The following TMED5 variants were observed in gnomAD, a reference collection of about 807,000 sequenced individuals.
The protein encoded by TMED5 is transmembrane p24 trafficking protein 5, also known as transmembrane emp24 domain-containing protein 5.
Under a neutral mutation model 23.0 loss-of-function variants are expected in TMED5, and 27 were observed. The ratio of observed to expected loss-of-function variants is 1.17; its 90% CI spans 0.86 to 1.62. The LOEUF is 1.62. Ranked by LOEUF, TMED5 falls within the 40% of genes most tolerant of loss-of-function variation. The probability of loss-of-function intolerance (pLI) is 0.00; values close to 1 mark genes in which losing one functional copy is unlikely to be tolerated. For synonymous variants in TMED5, 97 were observed against 100.8 expected (o/e 0.96, Z 0.23); for missense variants, 248 against 273.7 (o/e 0.91, Z 0.66).
chr1:93,155,607 G>A (rs1363756230), intron 3 of TMED5, among the ~76,000 whole-genome samples: 1 of 146,996 alleles, frequency 6.8e-6, no homozygotes, highest in East Asian at 2.0e-4. Flanking sequence ...ACCTGAGACT[G>A]TGCCTGGTCA....
intron 1 of TMED5, among the ~76,000 whole-genome samples, chr1:93,163,922 C>A (rs1428646920): frequency 6.8e-6 from 1 of 147,468 alleles, no homozygotes; most frequent in Non-Finnish European, 1.5e-5. Context: ...GGCAGAGTTG[C>A]AGTGAGCTGG....
intron 1 of TMED5, among the ~76,000 whole-genome samples, chr1:93,163,490 A>G (rs1648363328): frequency 6.6e-6 from 1 of 151,620 alleles, no homozygotes; most frequent in Admixed American, 6.6e-5. Flanking sequence ...GATTATAGGC[A>G]TGCGCCACCA....
At chr1:93,172,036 C>T (rs1648748588) in intron 1 of TMED5, among the ~76,000 whole-genome samples, 2 of 152,096 alleles carry the variant, frequency 1.3e-5, no homozygotes. Flanking sequence ...TTAAAAAAAT[C>T]TTAGCAAACT....
intron 1 of TMED5, among the ~76,000 whole-genome samples, chr1:93,176,311 C>A (rs377383114): frequency 3.9e-4 from 60 of 152,082 alleles, no homozygotes; most frequent in African/African-American, 1.4e-3. Context: ...TCCATTATGC[C>A]TAGTGAAAGT....
intron 3 of TMED5, chr1:93,156,085 C>T: frequency 1.4e-6 from 2 of 1,453,710 alleles, no homozygotes; most frequent in South Asian, 1.4e-5. Flanking sequence ...TAATAGGGTC[C>T]TGGAAGATAA....
chr1:93,178,267 C>T (rs1468226782), intron 1 of TMED5, among the ~76,000 whole-genome samples: 1 of 152,206 alleles, frequency 6.6e-6, no homozygotes, highest in Non-Finnish European at 1.5e-5. Context: ...CTAATACAAA[C>T]TCAGTACTTG....
At chr1:93,177,330 G>C (rs1347732044) in intron 1 of TMED5, among the ~76,000 whole-genome samples, 1 of 152,086 alleles carries the variant, frequency 6.6e-6, no homozygotes, top group Non-Finnish European at 1.5e-5. Context: ...TATAATCCCA[G>C]CACTTTGGAG....
chr1:93,163,796 T>C (rs949145972), intron 1 of TMED5, among the ~76,000 whole-genome samples: 2 of 150,722 alleles, frequency 1.3e-5, no homozygotes, highest in African/African-American at 4.9e-5. Flanking sequence ...GGCAAGATGG[T>C]GAAACCCTGT....
intron 1 of TMED5, among the ~76,000 whole-genome samples, chr1:93,167,549 C>T (rs1413016002): frequency 6.6e-6 from 1 of 151,890 alleles, no homozygotes; most frequent in Non-Finnish European, 1.5e-5. Flanking sequence ...ATGTCTTTTT[C>T]AGATTGTTCA....
chr1:93,163,406 G>A (rs993791202), intron 1 of TMED5, among the ~76,000 whole-genome samples: 13 of 150,236 alleles, frequency 8.7e-5, no homozygotes, highest in East Asian at 4.0e-4. Flanking sequence ...GTGTAGTGGC[G>A]CGATCTCAGC....
At position 93,151,318 on chromosome 1, in the gene TMED5, A is replaced by G. The variant is rs1046228752; in HGVS notation, c.*3352T>C. ...GATGGTTTGAGGGAAATGACCAAAT[A>G]ATAACCTACCTACACCAAGCATTGT... On this transcript the variant is annotated 3_prime_UTR_variant, in exon 4 of 4. Coordinates refer to ENST00000370282, the MANE Select transcript of TMED5 (RefSeq NM_016040.5). The G allele has an allele frequency of 2.6e-5, 4 of 152,218 alleles. No individual in the cohort carries two copies. The highest frequency in any genetic ancestry group is 1.5e-5 in the Non-Finnish European group (1 of 68,038). 9.4% of individuals were successfully genotyped at this position (152,218 alleles called of 1,614,324 possible).
chr1:93,164,275 A>G (rs1004463336), intron 1 of TMED5, among the ~76,000 whole-genome samples: 1 of 152,120 alleles, frequency 6.6e-6, no homozygotes, highest in African/African-American at 2.4e-5. Flanking sequence ...CATGAAAACT[A>G]GAGTGGTAAA....
At chr1:93,168,857 C>T (rs1294090757) in intron 1 of TMED5, among the ~76,000 whole-genome samples, 6 of 152,038 alleles carry the variant, frequency 3.9e-5, no homozygotes, top group South Asian at 4.2e-4. Context: ...AAGGGGCGGG[C>T]GGGCATTACC....
chr1:93,172,379 T>C (rs1437430488), intron 1 of TMED5, among the ~76,000 whole-genome samples: 1 of 151,942 alleles, frequency 6.6e-6, no homozygotes, highest in Non-Finnish European at 1.5e-5. Context: ...AATATTAACA[T>C]ACAATAGTCA....
intron 1 of TMED5, among the ~76,000 whole-genome samples, chr1:93,179,471 G>C (rs748493451): frequency 1.3e-5 from 2 of 151,796 alleles, no homozygotes; most frequent in Non-Finnish European, 2.9e-5. Context: ...TTGATCTTTT[G>C]AAAATAATGG....
chr1:93,160,253 CAT>C lies in TMED5; in HGVS notation c.190-29_190-28del, dbSNP rs777012985. 5.9e-6 allele frequency: 8 copies of C among 1,366,474 alleles called. No individual in the cohort carries two copies. The East Asian group carries it at 9.2e-5, about 16-fold the overall frequency. 84.6% of individuals were successfully genotyped at this position (1,366,474 alleles called of 1,614,324 possible). A position where few individuals can be genotyped will look rare whatever the true frequency, so the allele number is the denominator to read the frequency against. The stretch of plus-strand genomic sequence containing the variant: ...TGTAGAAAAGCATACATGAGAAAAA[CAT>C]ATATTACAAATTCTGGAAATAAAAA... On this transcript the variant is annotated intron_variant, in intron 1 of 3. Coordinates refer to ENST00000370282, the MANE Select transcript of TMED5 (RefSeq NM_016040.5).
At chr1:93,176,873 G>C (rs755760565) in intron 1 of TMED5, among the ~76,000 whole-genome samples, 20 of 152,262 alleles carry the variant, frequency 1.3e-4, no homozygotes, top group Admixed American at 3.3e-4. Context: ...CTTGGATAGT[G>C]CTGACACATA....
At chr1:93,160,416 C>T (rs561085500) in intron 1 of TMED5, 190 bp from the exon 2 acceptor site, 3 of 443,862 alleles carry the variant, frequency 6.8e-6, no homozygotes, top group Non-Finnish European at 1.2e-5. Flanking sequence ...CTTGTCCCTT[C>T]CTTACCCATT....
At chr1:93,167,126 G>GT (rs1283921729) in intron 1 of TMED5, among the ~76,000 whole-genome samples, 13 of 152,116 alleles carry the variant, frequency 8.5e-5, no homozygotes, top group South Asian at 4.2e-4. Context: ...CTATGTGTCT[G>GT]TTTTTTTGCA....
Sources: allele counts gnomAD v4.1 joint callset (sites outside exome capture counted in the v4.1 genomes callset), GRCh38; gene constraint gnomAD v4.1.1; transcripts MANE v1.5; gene names NCBI Gene and HGNC (gene_info 2026-07-23, HGNC 2026-07-21).